Variants in KIAA1549L observed in about 807,000 individuals in gnomAD.
The protein encoded by KIAA1549L is UPF0606 protein KIAA1549L.
A neutral mutation model predicts 160.7 loss-of-function variants in KIAA1549L; 88 were observed. That is an observed-to-expected ratio of 0.55 (90% confidence interval 0.46 to 0.65). KIAA1549L has a LOEUF of 0.65. Among genes scored for constraint, KIAA1549L ranks in the 30% least tolerant of loss-of-function variants. The pLI is 0.00. For missense variants in KIAA1549L, 2,258 were observed against 2,437.5 expected (o/e 0.93, Z 1.55); for synonymous variants, 950 against 976.7 (o/e 0.97, Z 0.51).
chr11:33,447,473 TCCACCCAC>T (rs879501635), intron 1 of KIAA1549L, among the ~76,000 whole-genome samples: 1 of 133,852 alleles, frequency 7.5e-6, no homozygotes, highest in Non-Finnish European at 1.6e-5. Context: ...CATCCATCCA[TCCACCCAC>T]CCACCCACCC....
intron 1 of KIAA1549L, among the ~76,000 whole-genome samples, chr11:33,449,709 A>G (rs182074435): frequency 1.3e-5 from 2 of 152,262 alleles, no homozygotes; most frequent in Admixed American, 6.5e-5. Context: ...CCTCCCATCA[A>G]AAGCAGACAC....
chr11:33,592,291 T>G (rs1850078797), intron 12 of KIAA1549L, among the ~76,000 whole-genome samples: 1 of 152,200 alleles, frequency 6.6e-6, no homozygotes, highest in Non-Finnish European at 1.5e-5. Flanking sequence ...AAAGGTCTTT[T>G]GGAAGATAAT....
chr11:33,551,011 T>C (rs1590335077), intron 4 of KIAA1549L, 29 bp from the exon 5 acceptor site: 1 of 1,569,774 alleles, frequency 6.4e-7, no homozygotes, highest in South Asian at 1.1e-5. Context: ...AAATAAACAA[T>C]GGGTTTTGTG....
intron 3 of KIAA1549L, 49 bp from the exon 4 acceptor site, chr11:33,547,715 T>G: frequency 2.4e-5 from 28 of 1,175,652 alleles, no homozygotes; most frequent in Non-Finnish European, 3.3e-5. Context: ...AAGTGAATGA[T>G]GAGGTTTGTC....
chr11:33,560,524 C>T (rs201472112), intron 7 of KIAA1549L, among the ~76,000 whole-genome samples: 3 of 152,178 alleles, frequency 2.0e-5, no homozygotes, highest in East Asian at 1.9e-4. Flanking sequence ...CTGAGGTCCC[C>T]GTAGTCTTGT....
Position 33,453,509 on chromosome 11 carries a change from T to C in KIAA1549L, c.238+76620T>C, listed in dbSNP as rs60213132. ...CAGAGGTGTGATTGTTGTCTCATGC[T>C]TAAGGATCCTGGGGAGATTTTCTTG... On this transcript the variant is annotated intron_variant, in intron 1 of 20. Coordinates refer to ENST00000658780, the MANE Select transcript of KIAA1549L (RefSeq NM_012194.3). Among the ~76,000 whole-genome samples the C allele has an allele frequency of 9.3e-3, 1,420 of 152,334 alleles. 21 individuals are homozygous for C. Among genetic ancestry groups the C allele is most frequent in the African/African-American group, 0.031 (1,296 of 41,570 alleles).
chr11:33,440,924 T>TA (rs1554977615), intron 1 of KIAA1549L, among the ~76,000 whole-genome samples: 16 of 152,258 alleles, frequency 1.1e-4, no homozygotes, highest in African/African-American at 3.1e-4. Context: ...TTCTTTTTTT[T>TA]TTATTATTAT....
At chr11:33,451,143 A>T (rs1260102228) in intron 1 of KIAA1549L, among the ~76,000 whole-genome samples, 1 of 152,206 alleles carries the variant, frequency 6.6e-6, no homozygotes, top group East Asian at 1.9e-4. Context: ...ACAGACCCTC[A>T]GGTTTGTAGA....
At chr11:33,625,742 T>G (rs1475316438) in intron 16 of KIAA1549L, among the ~76,000 whole-genome samples, 1 of 152,246 alleles carries the variant, frequency 6.6e-6, no homozygotes, top group African/African-American at 2.4e-5. Context: ...TCTTTTGCTG[T>G]GCAGAAGCTC....
intron 16 of KIAA1549L, among the ~76,000 whole-genome samples, 193 bp downstream of exon 16, chr11:33,618,855 C>G (rs1388568007): frequency 6.6e-6 from 1 of 152,170 alleles, no homozygotes; most frequent in Non-Finnish European, 1.5e-5. Flanking sequence ...CAGATTATTG[C>G]TAAAAGGATC....
rs181524338 is a variant in KIAA1549L, at chr11:33,542,951, C to T, written c.1388C>T (p.Ser463Leu). Residue 463 changes from serine to leucine, a missense_variant, in exon 2 of 21, where the codon TCG becomes TTG. Around this residue, in one of 6 missense-constraint regions of KIAA1549L, gnomAD observed 540 missense variants for 465.7 expected, o/e 1.16. Transcript: ENST00000658780. ...GAGAATTCCAGAGGGCCCGCCCTTT[C>T]GGCAGAACACACCTCTTCTTTGGTG... ...APENSRGPAL[S>L]AEHTSSLVPS... The T allele has an allele frequency of 2.1e-4, 344 of 1,614,064 alleles. 2 individuals carry two copies. The African/African-American group carries it at 3.2e-3, about 15-fold the overall frequency.
At chr11:33,637,099 C>A (rs532793989) in intron 16 of KIAA1549L, among the ~76,000 whole-genome samples, 1 of 152,124 alleles carries the variant, frequency 6.6e-6, no homozygotes, top group Non-Finnish European at 1.5e-5. Context: ...CCCAGACATG[C>A]TTGGGGAGCT....
At chr11:33,592,465 G>A (rs564147443) in intron 12 of KIAA1549L, among the ~76,000 whole-genome samples, 11 of 152,320 alleles carry the variant, frequency 7.2e-5, no homozygotes, top group Admixed American at 3.3e-4. Flanking sequence ...ACCAACATGC[G>A]TTGTCAACTC....
chr11:33,502,406 G>T (rs1426160557), intron 1 of KIAA1549L, among the ~76,000 whole-genome samples: 1 of 152,134 alleles, frequency 6.6e-6, no homozygotes, highest in Non-Finnish European at 1.5e-5. Context: ...TTTCCTCTGT[G>T]GAAAAGAAAC....
chr11:33,517,831 TAGAGATTA>T (rs1853384312), intron 1 of KIAA1549L, among the ~76,000 whole-genome samples: 1 of 151,812 alleles, frequency 6.6e-6, no homozygotes, highest in African/African-American at 2.4e-5. Context: ...GGGGAGAACT[TAGAGATTA>T]AGAAACTTAA....
chr11:33,582,035 TTTTCACA>T (rs1318307282), intron 10 of KIAA1549L, among the ~76,000 whole-genome samples: 2 of 152,230 alleles, frequency 1.3e-5, no homozygotes, highest in Non-Finnish European at 2.9e-5. Context: ...ATACAGATAT[TTTTCACA>T]GAAGCTATAA....
At position 33,543,534 on chromosome 11, in the gene KIAA1549L, C is replaced by A. The variant is rs751535717; in HGVS notation, c.1971C>A (p.Asp657Glu). 3.1e-6 allele frequency: 5 copies of A among 1,614,026 alleles called. No individual in the cohort carries two copies. In the South Asian group the frequency reaches 5.5e-5, roughly 18 times the overall value. The change falls in exon 2 of 21, where the codon GAC (aspartate) becomes GAA (glutamate). Residue 657 changes from aspartate to glutamate, a missense_variant. Asp to Glu is a conservative substitution (Grantham distance 45, BLOSUM62 2). This residue lies in a region of KIAA1549L where 11 missense variants were observed against 29.9 expected (regional missense o/e 0.37). Coordinates refer to ENST00000658780, the MANE Select transcript of KIAA1549L (RefSeq NM_012194.3). Reference protein sequence around the residue: ...TKPEAYAAAVDHSGLPASASK... With the variant: ...TKPEAYAAAVEHSGLPASASK... ...CAGAGGCTTATGCAGCTGCTGTGGA[C>A]CATTCTGGGTTGCCAGCTTCAGCTT...
At chr11:33,483,356 G>T (rs907556182) in intron 1 of KIAA1549L, among the ~76,000 whole-genome samples, 4 of 152,140 alleles carry the variant, frequency 2.6e-5, no homozygotes, top group African/African-American at 9.7e-5. Flanking sequence ...TTGGGAAGGC[G>T]AACCTTGAGC....
rs112797418 is a variant in KIAA1549L, at chr11:33,432,002, T to C, written c.238+55113T>C. 9.5e-3 allele frequency among the ~76,000 whole-genome samples: 1,447 copies of C among 152,318 alleles called. 20 individuals are homozygous for C. Among genetic ancestry groups the C allele is most frequent in the African/African-American group, 0.033 (1,382 of 41,576 alleles). On this transcript the variant is annotated intron_variant, in intron 1 of 20. Coordinates refer to ENST00000658780, the MANE Select transcript of KIAA1549L (RefSeq NM_012194.3). ...ACTGGCCCGGGTGCTAAGTCCCTCA[T>C]TGCCCGGGGCCGGCATGGCAGGCCG...
Sources: allele counts gnomAD v4.1 joint callset (sites outside exome capture counted in the v4.1 genomes callset), GRCh38; gene constraint gnomAD v4.1.1; regional missense constraint gnomAD v4.1.1; transcripts MANE v1.5; gene names NCBI Gene and HGNC (gene_info 2026-07-23, HGNC 2026-07-21).